RGS22: variants seen among roughly 807,000 people sequenced by gnomAD.
RGS22 encodes the protein regulator of G-protein signaling 22.
RGS22 carries 148 observed loss-of-function variants against 172.9 expected under a neutral mutation model. That is an observed-to-expected ratio of 0.86 (90% CI 0.75 to 0.98). The LOEUF (loss-of-function observed/expected upper bound fraction) is 0.98. RGS22 is among the 50% of genes least tolerant of loss of function. RGS22 has a pLI of 0.00. For synonymous variants in RGS22, 458 were observed against 480.2 expected (o/e 0.95, Z 0.60); for missense variants, 1,347 against 1,440.8 (o/e 0.93, Z 1.05).
At chr8:99,989,506 C>G (rs1016948948) in intron 20 of RGS22, among the ~76,000 whole-genome samples, 6 of 152,040 alleles carry the variant, frequency 3.9e-5, no homozygotes, top group Non-Finnish European at 7.4e-5. Context: ...TGTAAGGATG[C>G]CTGAGAGCAG....
At chr8:100,071,669 C>T (rs1810990716) in intron 5 of RGS22, 132 bp from the exon 6 acceptor site, 1 of 557,962 alleles carries the variant, frequency 1.8e-6, no homozygotes, top group Non-Finnish European at 3.0e-6. Context: ...TTTGGCTCTG[C>T]TAAAATTAAT....
chr8:100,053,923 T>C (rs777103457), intron 9 of RGS22, among the ~76,000 whole-genome samples: 51 of 152,198 alleles, frequency 3.4e-4, no homozygotes, highest in Non-Finnish European at 7.2e-4. Flanking sequence ...CGTGAGCCAC[T>C]GCGCCTGGCC....
At chr8:100,075,455 A>T (rs76658384) in intron 4 of RGS22, among the ~76,000 whole-genome samples, 1 of 152,316 alleles carries the variant, frequency 6.6e-6, no homozygotes, top group Non-Finnish European at 1.5e-5. Flanking sequence ...TGCTAGTGCC[A>T]TGCTTCTTAT....
At chr8:99,983,154 T>C (rs1563573493) in intron 21 of RGS22, among the ~76,000 whole-genome samples, 1 of 152,220 alleles carries the variant, frequency 6.6e-6, no homozygotes, top group Non-Finnish European at 1.5e-5. Context: ...TTTATGGCTA[T>C]GTAGTCTTCC....
chr8:100,073,652 C>T (rs1425694332), intron 4 of RGS22, among the ~76,000 whole-genome samples: 2 of 152,110 alleles, frequency 1.3e-5, no homozygotes, highest in Admixed American at 6.6e-5. Flanking sequence ...TCCTGAACGC[C>T]CACTAGCGCT....
At chr8:99,977,270 ATTTTT>A (rs895569407) in intron 23 of RGS22, among the ~76,000 whole-genome samples, 7,797 of 120,206 alleles carry the variant, frequency 0.065, 199 homozygotes, top group African/African-American at 0.11. Context: ...CGCCCGGTTA[ATTTTT>A]TTTTTTTTTT....
At chr8:100,047,898 A>C (rs1820892060) in intron 10 of RGS22, among the ~76,000 whole-genome samples, 1 of 152,108 alleles carries the variant, frequency 6.6e-6, no homozygotes, top group South Asian at 2.1e-4. Context: ...ACGATTCTTT[A>C]TTCTATAACT....
intron 14 of RGS22, 186 bp downstream of exon 14, chr8:100,038,745 C>T (rs1461344930): frequency 1.5e-5 from 6 of 403,270 alleles, no homozygotes; most frequent in South Asian, 9.0e-5. Context: ...AGACATAAAA[C>T]TGAAAACTCA....
chr8:100,059,464 CAA>C (rs534777996), intron 9 of RGS22, among the ~76,000 whole-genome samples: 6 of 110,502 alleles, frequency 5.4e-5, no homozygotes, highest in African/African-American at 3.3e-5. Flanking sequence ...TCAATGGAAA[CAA>C]AAAAAAAAAA....
chr8:100,060,417 TATATAC>T (rs1206996025), intron 9 of RGS22, among the ~76,000 whole-genome samples: 27 of 131,088 alleles, frequency 2.1e-4, no homozygotes, highest in Non-Finnish European at 3.4e-4. Context: ...TATATATATA[TATATAC>T]ACACACACAC....
At chr8:100,075,341 TC>T (rs962360932) in intron 4 of RGS22, among the ~76,000 whole-genome samples, 1 of 152,110 alleles carries the variant, frequency 6.6e-6, no homozygotes, top group Non-Finnish European at 1.5e-5. Context: ...GCCTGGTGCC[TC>T]CCTACTCTCT....
chr8:100,052,776 G>C (rs753924924), intron 10 of RGS22, 26 bp downstream of exon 10: 36 of 1,602,132 alleles, frequency 2.2e-5, no homozygotes, highest in Non-Finnish European at 3.1e-5. Flanking sequence ...ACTTAGTAGA[G>C]ATCACAGCAT....
chr8:100,094,934 G>T (rs1027483241), intron 2 of RGS22, among the ~76,000 whole-genome samples: 1 of 152,196 alleles, frequency 6.6e-6, no homozygotes, highest in African/African-American at 2.4e-5. Flanking sequence ...TGTGAACAGT[G>T]AATAGCTTAA....
chr8:100,029,095 CCATCAGT>C (rs1313270658), intron 14 of RGS22, among the ~76,000 whole-genome samples: 1 of 152,076 alleles, frequency 6.6e-6, no homozygotes, highest in Non-Finnish European at 1.5e-5. Context: ...AAATCTGAGG[CCATCAGT>C]CTAACAATGT....
intron 20 of RGS22, among the ~76,000 whole-genome samples, chr8:99,989,110 A>G (rs773992024): frequency 3.6e-4 from 55 of 152,240 alleles, no homozygotes; most frequent in Non-Finnish European, 6.2e-4. Flanking sequence ...AAACATTAAA[A>G]AAGTTTCTTT....
chr8:100,057,995 A>G (rs1191021902), intron 9 of RGS22, among the ~76,000 whole-genome samples: 1 of 152,202 alleles, frequency 6.6e-6, no homozygotes, highest in Non-Finnish European at 1.5e-5. Context: ...TCAAGATTCT[A>G]TCAGATAAAT....
In RGS22 at chr8:100,039,047, A is replaced by G. The variant is rs748664335; in HGVS notation, c.2065-15T>C. The stretch of plus-strand genomic sequence containing the variant: ...TTCTTCCACAACTACAGATGGAAAA[A>G]GTACATAAATTATTACCACCCAATT... On this transcript the variant is annotated splice_polypyrimidine_tract_variant and intron_variant, in intron 13 of 27. Transcript: ENST00000360863. 3 of 1,477,596 alleles carry G rather than the reference A, an allele frequency of 2.0e-6. No individual in the cohort carries two copies. In the East Asian group the frequency reaches 6.9e-5, roughly 34 times the overall value. The allele number at this position is 1,477,596 out of a possible 1,614,324, so 91.5% of individuals were successfully genotyped here.
Position 100,008,525 on chromosome 8 carries a change from A to G in RGS22, c.2211T>C (p.Ile737=). The G allele has an allele frequency of 6.2e-7, 1 of 1,612,262 alleles. No homozygotes were observed. Among genetic ancestry groups the G allele is most frequent in the Non-Finnish European group, 8.5e-7 (1 of 1,179,612 alleles). Residue 737 remains isoleucine, a synonymous_variant, in exon 15 of 28, where the codon ATT becomes ATC. Transcript: ENST00000360863. ...TYVAPSATLD[I]GLQQEKKKEI... is the part of the protein sequence containing the mutation. Reference sequence around the variant, plus strand: ...CTTTTTTCTTTTCCTGTTGGAGTCCAATGTCAAGAGTGGCAGAAGGAGCAA... The same window carrying G: ...CTTTTTTCTTTTCCTGTTGGAGTCCGATGTCAAGAGTGGCAGAAGGAGCAA...
At chr8:100,078,240 TATTATC>T (rs1483712193) in intron 4 of RGS22, among the ~76,000 whole-genome samples, 2 of 151,908 alleles carry the variant, frequency 1.3e-5, no homozygotes, top group Admixed American at 6.6e-5. Context: ...TGTATATTAT[TATTATC>T]ATTATTTTTA....
Sources: allele counts gnomAD v4.1 joint callset (sites outside exome capture counted in the v4.1 genomes callset), GRCh38; gene constraint gnomAD v4.1.1; transcripts MANE v1.5; gene names NCBI Gene and HGNC (gene_info 2026-07-23, HGNC 2026-07-21).